Variants in RIC1 observed in about 807,000 individuals in gnomAD.
The protein encoded by RIC1 is RIC1 partner of RAB6A GEF complex.
Under a neutral mutation model 169.0 loss-of-function variants are expected in RIC1, and 88 were observed. The observed-to-expected ratio is 0.52, with a 90% CI of 0.44 to 0.62. RIC1 has a LOEUF of 0.62. Among genes scored for constraint, RIC1 ranks in the 20% least tolerant of loss-of-function variants. The pLI is 0.00. For missense variants in RIC1, 1,877 were observed against 1,725.5 expected, an observed-to-expected ratio of 1.09 and a Z score of -1.56; for synonymous variants, 790 against 601.5, an observed-to-expected ratio of 1.31 and a Z score of -4.59.
chr9:5,677,991 T>G (rs113567443), intron 2 of RIC1, among the ~76,000 whole-genome samples: 1,796 of 149,142 alleles, frequency 0.012, 49 homozygotes, highest in African/African-American at 0.042. Flanking sequence ...ATGCTATCCC[T>G]CCCCCCTGCC....
At position 5,775,769 on chromosome 9, in the gene RIC1, T is replaced by C. The variant is rs1473235945; in HGVS notation, c.*1523T>C. 1 of 152,188 alleles carries C rather than the reference T, an allele frequency of 6.6e-6. No individual in the cohort carries two copies. The highest frequency in any genetic ancestry group is 1.5e-5 in the Non-Finnish European group (1 of 68,008). 9.4% of individuals were successfully genotyped at this position (152,188 alleles called of 1,614,324 possible). A position where few individuals can be genotyped will look rare whatever the true frequency, so the allele number is the denominator to read the frequency against. ...TACTGAGTTGGGTAATTTACTATCATTTACTTTTTACATTACAAGTGCAAT... is the reference window on the plus strand; with the variant it reads ...TACTGAGTTGGGTAATTTACTATCACTTACTTTTTACATTACAAGTGCAAT... On this transcript the variant is annotated 3_prime_UTR_variant, in exon 26 of 26. Coordinates refer to ENST00000414202, the MANE Select transcript of RIC1 (RefSeq NM_020829.4).
rs144446453 is a variant in RIC1 at position 5,638,416 on chromosome 9, A to T, written c.144+8963A>T. ...TATTTTTCAGAACAGTTTCAGTAGT[A>T]TTGGTGTTCTTCTTTAAATGTTTGT... On this transcript the variant is annotated intron_variant, in intron 1 of 25. Transcript: ENST00000414202. Among the ~76,000 whole-genome samples the T allele has an allele frequency of 2.3e-3, 354 of 152,296 alleles. 2 individuals carry two copies. Among genetic ancestry groups the T allele is most frequent in the African/African-American group, 8.2e-3 (339 of 41,564 alleles).
chr9:5,755,079 T>G, intron 15 of RIC1, 149 bp downstream of exon 15: 1 of 455,068 alleles, frequency 2.2e-6, no homozygotes, highest in Non-Finnish European at 3.7e-6. Flanking sequence ...TAGTGGGATT[T>G]TCTTTTCAGG....
intron 17 of RIC1, among the ~76,000 whole-genome samples, chr9:5,758,722 C>CTTTTTTTTTTTTTTTTTTTTTGT (rs754931692): frequency 1.0e-5 from 1 of 98,426 alleles, no homozygotes; most frequent in Non-Finnish European, 2.2e-5. Flanking sequence ...GGTCTCCCTT[C>CTTTTTTTTTTTTTTTTTTTTTGT]TTTTTTTTTT....
chr9:5,746,228 T>C, intron 11 of RIC1, 145 bp downstream of exon 11: 1 of 511,870 alleles, frequency 2.0e-6, no homozygotes, highest in Non-Finnish European at 3.1e-6. Flanking sequence ...TTAATTTATA[T>C]TAAATTTATA....
At chr9:5,659,648 G>A (rs192424176) in intron 2 of RIC1, among the ~76,000 whole-genome samples, 18 of 152,194 alleles carry the variant, frequency 1.2e-4, no homozygotes, top group Non-Finnish European at 1.9e-4. Context: ...CTATGAACAT[G>A]CAATGTCTTA....
chr9:5,631,268 T>A (rs921643824), intron 1 of RIC1, among the ~76,000 whole-genome samples: 1 of 152,188 alleles, frequency 6.6e-6, no homozygotes, highest in African/African-American at 2.4e-5. Flanking sequence ...CAACTTCCTT[T>A]TTCCACAGAA....
At chr9:5,685,296 C>G (rs1467599356) in intron 2 of RIC1, among the ~76,000 whole-genome samples, 1 of 150,260 alleles carries the variant, frequency 6.7e-6, no homozygotes, top group African/African-American at 2.5e-5. Context: ...CATATGGAAC[C>G]AAAAAAGAGC....
intron 6 of RIC1, 24 bp from the exon 7 acceptor site, chr9:5,732,364 C>T (rs141705619): frequency 1.3e-6 from 2 of 1,570,448 alleles, no homozygotes; most frequent in African/African-American, 2.7e-5. Flanking sequence ...CTTTTTAAGC[C>T]TTAACTATTT....
rs12684357 is a variant in RIC1, at chr9:5,706,133, A to T, written c.333-7763A>T. ...CCTTTTCTTGCAGTGTCTTTGTCTG[A>T]CTTTGGTATCAGGGTAATTCTGGCC... On this transcript the variant is annotated intron_variant, in intron 3 of 25. Transcript: ENST00000414202. 3.3e-5 allele frequency among the ~76,000 whole-genome samples: 5 copies of T among 152,228 alleles called. No homozygotes were observed. In the East Asian group the frequency reaches 9.6e-4, roughly 29 times the overall value.
chr9:5,755,374 ATACC>A (rs773362388), intron 15 of RIC1, among the ~76,000 whole-genome samples: 33 of 152,340 alleles, frequency 2.2e-4, no homozygotes, highest in South Asian at 1.5e-3. Context: ...CTATACATAC[ATACC>A]TATGATAAAG....
intron 6 of RIC1, among the ~76,000 whole-genome samples, chr9:5,722,746 C>T (rs1368972635): frequency 1.3e-5 from 2 of 152,092 alleles, no homozygotes; most frequent in African/African-American, 4.8e-5. Context: ...TGTGATGTTC[C>T]CCACCTTGTG....
At chr9:5,715,597 G>A (rs17292138) in intron 4 of RIC1, among the ~76,000 whole-genome samples, 50,258 of 151,918 alleles carry the variant, frequency 0.33, 8,864 homozygotes, top group East Asian at 0.61. Flanking sequence ...TTTCCCTCCT[G>A]TCACCACAAA....
chr9:5,635,216 G>C (rs1817913907), intron 1 of RIC1, among the ~76,000 whole-genome samples: 1 of 152,120 alleles, frequency 6.6e-6, no homozygotes, highest in Non-Finnish European at 1.5e-5. Flanking sequence ...CTGGACACAA[G>C]TGATCTGCCC....
At chr9:5,656,139 G>A (rs1819085120) in intron 1 of RIC1, among the ~76,000 whole-genome samples, 1 of 152,112 alleles carries the variant, frequency 6.6e-6, no homozygotes, top group African/African-American at 2.4e-5. Context: ...CAAAGTGCTG[G>A]GATTACAGGC....
At position 5,629,179 on chromosome 9, in the gene RIC1, G is replaced by C; in HGVS notation, c.-131G>C. On this transcript the variant is annotated 5_prime_UTR_variant, in exon 1 of 26. Transcript: ENST00000414202. The stretch of plus-strand genomic sequence containing the variant: ...GTCGGCCCGGCCCGGCCAGGCCAGC[G>C]GGCAGATGCCCCGAGCTGCCGCCGC... The C allele has an allele frequency of 1.1e-6, 1 of 902,492 alleles. No homozygotes were observed. Among genetic ancestry groups the C allele is most frequent in the Non-Finnish European group, 1.5e-6 (1 of 678,922 alleles). The allele number at this position is 902,492 out of a possible 1,614,324, so 55.9% of individuals were successfully genotyped here.
chr9:5,643,699 T>A (rs981078986), intron 1 of RIC1, among the ~76,000 whole-genome samples: 1 of 152,230 alleles, frequency 6.6e-6, no homozygotes, highest in African/African-American at 2.4e-5. Context: ...GATTGTTTAC[T>A]TCAGTATTTG....
intron 3 of RIC1, among the ~76,000 whole-genome samples, chr9:5,693,564 A>G (rs887221430): frequency 1.3e-5 from 2 of 152,158 alleles, no homozygotes; most frequent in African/African-American, 2.4e-5. Context: ...TATTAGTTAC[A>G]CAGACCAGTG....
intron 10 of RIC1, among the ~76,000 whole-genome samples, chr9:5,745,730 G>T (rs951402086): frequency 6.6e-6 from 1 of 152,212 alleles, no homozygotes; most frequent in Non-Finnish European, 1.5e-5. Context: ...ATAGAGAGCA[G>T]TGATGGTGAT....
Sources: allele counts gnomAD v4.1 joint callset (sites outside exome capture counted in the v4.1 genomes callset), GRCh38; gene constraint gnomAD v4.1.1; transcripts MANE v1.5; gene names NCBI Gene and HGNC (gene_info 2026-07-23, HGNC 2026-07-21).